ZNF839: variants seen among roughly 807,000 people sequenced by gnomAD.
The protein encoded by ZNF839 is renal carcinoma antigen NY-REN-50.
In ZNF839, 38 loss-of-function variants were observed where a neutral mutation model predicts 56.4. That is an observed-to-expected ratio of 0.67 (90% CI 0.52 to 0.88). The LOEUF is 0.88. Among genes scored for constraint, ZNF839 ranks in the 40% least tolerant of loss-of-function variants. ZNF839 has a pLI of 0.00. For missense variants in ZNF839, 1,091 were observed against 1,177.6 expected, an observed-to-expected ratio of 0.93 and a Z score of 1.08; for synonymous variants, 486 against 493.5, an observed-to-expected ratio of 0.98 and a Z score of 0.20.
chr14:102,325,773 G>A (rs1171704692), intron 1 of ZNF839, among the ~76,000 whole-genome samples: 2 of 152,296 alleles, frequency 1.3e-5, no homozygotes, highest in Non-Finnish European at 2.9e-5. Context: ...GGGATTACAA[G>A]TGTGAGCCAC....
At chr14:102,330,090 C>T (rs565534060) in intron 2 of ZNF839, among the ~76,000 whole-genome samples, 2 of 151,904 alleles carry the variant, frequency 1.3e-5, no homozygotes, top group African/African-American at 2.4e-5. Flanking sequence ...CCATTGCGCC[C>T]GGCCTCAGAT....
At chr14:102,336,110 C>T (rs2074001885) in intron 5 of ZNF839, among the ~76,000 whole-genome samples, 2 of 151,366 alleles carry the variant, frequency 1.3e-5, no homozygotes, top group Admixed American at 1.3e-4. Flanking sequence ...ACCTAGGAGG[C>T]AGAGGTTGCA....
intron 5 of ZNF839, among the ~76,000 whole-genome samples, chr14:102,338,334 T>C (rs1886077965): frequency 6.6e-6 from 1 of 152,054 alleles, no homozygotes; most frequent in African/African-American, 2.4e-5. Context: ...GGCCAGAAGT[T>C]CAAGACCAGC....
At chr14:102,318,536 G>A (rs56383196), upstream of ZNF839, among the ~76,000 whole-genome samples, 1 of 152,098 alleles carries the variant, frequency 6.6e-6, no homozygotes, top group South Asian at 2.1e-4. Context: ...AAGAGGCTGA[G>A]GCAGGAGAAC....
At chr14:102,336,634 G>T (rs142156890) in intron 5 of ZNF839, 321 of 433,986 alleles carry the variant, frequency 7.4e-4, no homozygotes, top group Middle Eastern at 3.0e-3. Context: ...TGCTCTTCCA[G>T]AAAACTCAAA....
At chr14:102,328,415 T>C (rs1241154138) in intron 2 of ZNF839, among the ~76,000 whole-genome samples, 13 of 120,402 alleles carry the variant, frequency 1.1e-4, no homozygotes, top group African/African-American at 4.0e-4. Context: ...TATATATGTA[T>C]ACACACACAC....
chr14:102,323,930 A>C (rs2073267255), intron 1 of ZNF839, among the ~76,000 whole-genome samples: 1 of 152,238 alleles, frequency 6.6e-6, no homozygotes, highest in South Asian at 2.1e-4. Flanking sequence ...AAAATGAAGT[A>C]AAGAAACCCA....
intron 1 of ZNF839, among the ~76,000 whole-genome samples, chr14:102,321,631 C>T (rs1184123986): frequency 2.0e-5 from 3 of 152,154 alleles, no homozygotes; most frequent in Non-Finnish European, 2.9e-5. Flanking sequence ...TACTTTGCCC[C>T]TCAGTAGTTT....
chr14:102,342,284 G>C lies in ZNF839; in HGVS notation c.*105G>C. On this transcript the variant is annotated 3_prime_UTR_variant, in exon 8 of 8. Transcript: ENST00000442396. ...GATTCGTCTGATTTTATCCAGAGAA[G>C]GTCTATGGCAAGCAATGTATATTTT... The C allele has an allele frequency of 7.1e-7, 1 of 1,407,204 alleles. No homozygotes were observed. Among genetic ancestry groups the C allele is most frequent in the Non-Finnish European group, 9.6e-7 (1 of 1,042,118 alleles). 87.2% of individuals were successfully genotyped at this position (1,407,204 alleles called of 1,614,324 possible). A position where few individuals can be genotyped will look rare whatever the true frequency, so the allele number is the denominator to read the frequency against.
At position 102,326,989 on chromosome 14, in the gene ZNF839, C is replaced by T; in HGVS notation, c.1191+102C>T. The T allele has an allele frequency of 2.3e-6, 3 of 1,292,432 alleles. No individual in the cohort carries two copies. Among genetic ancestry groups the T allele is most frequent in the Non-Finnish European group, 3.1e-6 (3 of 966,278 alleles). The allele number at this position is 1,292,432 out of a possible 1,614,324, so 80.1% of individuals were successfully genotyped here. A position where few individuals can be genotyped will look rare whatever the true frequency, so the allele number is the denominator to read the frequency against. ...TATTTTATAAAGAAAAGAGGGTTGG[C>T]TCACGGTTCCATAGACTGTACAGGA... On this transcript the variant is annotated intron_variant, in intron 2 of 7. Coordinates refer to ENST00000442396, the MANE Select transcript of ZNF839 (RefSeq NM_018335.6). The surrounding 1 kb of genome is among the most constrained non-coding windows in gnomAD (Gnocchi z 4.3).
chr14:102,323,834 A>G (rs150179529), intron 1 of ZNF839, among the ~76,000 whole-genome samples: 2 of 152,354 alleles, frequency 1.3e-5, no homozygotes, highest in East Asian at 3.9e-4. Flanking sequence ...CCACCTGTCC[A>G]TCAATAGGAG....
At position 102,326,332 on chromosome 14, in the gene ZNF839, T is replaced by C; in HGVS notation, c.636T>C (p.Ser212=). The C allele has an allele frequency of 6.2e-7, 1 of 1,610,398 alleles. No homozygotes were observed. The highest frequency in any genetic ancestry group is 8.5e-7 in the Non-Finnish European group (1 of 1,178,228). ...CCATGTTGACCCCTTTGTCTGCCTC[T>C]GACCCGCTGGCAGTAACATCTCTTT... ...QGSMLTPLSA[S]DPLAVTSLSS... Residue 212 remains serine (S), a synonymous_variant, in exon 2 of 8, where the codon TCT becomes TCC. Transcript: ENST00000442396. This position sits in a 1 kb window ranked among gnomAD's most constrained non-coding sequence, Gnocchi z 4.3.
chr14:102,341,903 T>C lies in ZNF839; in HGVS notation c.2508T>C (p.Cys836=). Residue 836 remains cysteine (C), a synonymous_variant, in exon 8 of 8, where the codon TGT becomes TGC. Coordinates refer to ENST00000442396, the MANE Select transcript of ZNF839 (RefSeq NM_018335.6). The part of the protein sequence containing the change: ...GPHGSLLTEG[C]LRSLSGDLNR... ...ATGGATCACTATTGACTGAAGGGTG[T>C]CTCAGAAGCCTTTCGGGGGACTTGA... The C allele has an allele frequency of 1.2e-6, 2 of 1,613,998 alleles. No individual in the cohort carries two copies. Among genetic ancestry groups the C allele is most frequent in the Non-Finnish European group, 1.7e-6 (2 of 1,179,894 alleles).
chr14:102,334,226 G>C (rs925307853), intron 3 of ZNF839, among the ~76,000 whole-genome samples: 2 of 152,218 alleles, frequency 1.3e-5, no homozygotes, highest in African/African-American at 4.8e-5. Flanking sequence ...GCCGCCTCCA[G>C]CTGTGCCACC....
Position 102,341,411 on chromosome 14 carries a change from C to A in ZNF839, c.2016C>A (p.Phe672Leu). ...TTVSGGNGSV[F>L]QAGPQLQALA... ...TTTCTGGTGGCAATGGGAGCGTGTT[C>A]CAGGCGGGCCCGCAGCTTCAGGCAC... The change falls in exon 8 of 8, where the codon TTC (phenylalanine) becomes TTA (leucine). Residue 672 changes from phenylalanine to leucine, a missense_variant. Around this residue, in one of 3 missense-constraint regions of ZNF839, gnomAD observed 431 missense variants for 468.0 expected, o/e 0.92. Coordinates refer to ENST00000442396, the MANE Select transcript of ZNF839 (RefSeq NM_018335.6). The A allele has an allele frequency of 6.3e-7, 1 of 1,581,482 alleles. No individual in the cohort carries two copies.
intron 1 of ZNF839, among the ~76,000 whole-genome samples, chr14:102,323,408 G>A (rs2073237003): frequency 6.6e-6 from 1 of 152,214 alleles, no homozygotes; most frequent in Admixed American, 6.5e-5. Flanking sequence ...TGTGAGGGCG[G>A]GAGCCTTGTT....
In ZNF839 at chr14:102,341,469, G is replaced by A; in HGVS notation, c.2074G>A (p.Gly692Ser). The change falls in exon 8 of 8, where the codon GGT (glycine) becomes AGT (serine). Residue 692 changes from glycine to serine, a missense_variant. Around this residue, in one of 3 missense-constraint regions of ZNF839, gnomAD observed 431 missense variants for 468.0 expected, o/e 0.92. Transcript: ENST00000442396. ...CTTAGAAGCCAGGAGGGGGTCTATA[G>A]GTGCTGCTCTCTCATCCCGGGATGT... The part of the protein sequence containing the change: ...ANLEARRGSI[G>S]AALSSRDVSG... 6.3e-7 allele frequency: 1 copy of A among 1,597,852 alleles called. No homozygotes were observed. Among genetic ancestry groups the A allele is most frequent in the Non-Finnish European group, 8.5e-7 (1 of 1,170,660 alleles).
intron 1 of ZNF839, 99 bp downstream of exon 1, chr14:102,320,152 G>T: frequency 1.9e-6 from 2 of 1,043,598 alleles, no homozygotes; most frequent in Non-Finnish European, 2.3e-6. Flanking sequence ...TATCCGCCCG[G>T]GTTAAGACTC....
At chr14:102,328,481 A>G (rs1420741681) in intron 2 of ZNF839, among the ~76,000 whole-genome samples, 1 of 147,190 alleles carries the variant, frequency 6.8e-6, no homozygotes, top group African/African-American at 2.5e-5. Context: ...ACCATATTTA[A>G]GTGTGTGGTT....
Sources: gnomAD v4.1 joint callset for allele counts (sites outside exome capture counted in the v4.1 genomes callset) on GRCh38, gnomAD v4.1.1 for gene constraint, gnomAD v4.1.1 regional missense constraint, Gnocchi (gnomAD v3.1) non-coding constraint, MANE v1.5 for transcripts, NCBI Gene and HGNC (gene_info 2026-07-23, HGNC 2026-07-21) for gene names.